The following RBFOX1 variants were observed in gnomAD, a reference collection of about 807,000 sequenced individuals.
RBFOX1 encodes the protein RNA binding fox-1 homolog 1.
A neutral mutation model predicts 57.7 loss-of-function variants in RBFOX1; 8 were observed. The ratio of observed to expected loss-of-function variants is 0.14; its 90% CI spans 0.08 to 0.25. RBFOX1 has a LOEUF of 0.25. RBFOX1 is among the 10% of genes least tolerant of loss of function. The pLI is 1.00. For missense variants in RBFOX1, 611 were observed against 548.5 expected (o/e 1.11, Z -1.14); for synonymous variants, 326 against 222.4 (o/e 1.47, Z -4.15).
intron 3 of RBFOX1, among the ~76,000 whole-genome samples, chr16:5,759,684 G>C (rs2053526869): frequency 6.6e-6 from 1 of 152,174 alleles, no homozygotes. Context: ...ATACCTTGCA[G>C]TGTTTCCCAC....
chr16:6,342,825 T>A (rs801995), intron 2 of RBFOX1, among the ~76,000 whole-genome samples: 2 of 152,156 alleles, frequency 1.3e-5, no homozygotes, highest in African/African-American at 4.8e-5. Context: ...GCTAATCACC[T>A]TGACATTTTG....
intron 4 of RBFOX1, among the ~76,000 whole-genome samples, chr16:7,352,475 G>A (rs568637554): frequency 6.6e-6 from 1 of 152,184 alleles, no homozygotes; most frequent in African/African-American, 2.4e-5. Context: ...ACGTGGGGTG[G>A]GTAAGAATCT....
At chr16:5,333,578 G>A (rs773621813) in intron 1 of RBFOX1, among the ~76,000 whole-genome samples, 11 of 152,192 alleles carry the variant, frequency 7.2e-5, no homozygotes, top group Non-Finnish European at 1.5e-4. Flanking sequence ...CAGGGCCCGA[G>A]CTTCTCTCCT....
chr16:6,654,588 T>TTCTTC lies in RBFOX1; in HGVS notation c.-63-7_-63-3dup. On this transcript the variant is annotated splice_polypyrimidine_tract_variant and intron_variant, in intron 2 of 15. Transcript: ENST00000550418. ...GTTCTTTCTCTCACTTTCCTTTCTTTTCTTCTCTTCTCAGGATATCAAAGC... is the reference window on the plus strand; with the variant it reads ...GTTCTTTCTCTCACTTTCCTTTCTTTTCTTCTCTTCTCTTCTCAGGATATCAAAGC... 2 of 1,503,198 alleles carry TTCTTC rather than the reference T, an allele frequency of 1.3e-6. No individual in the cohort carries two copies. 93.1% of individuals were successfully genotyped at this position (1,503,198 alleles called of 1,614,324 possible). A position where few individuals can be genotyped will look rare whatever the true frequency, so the allele number is the denominator to read the frequency against.
At chr16:6,342,732 C>G (rs978769839) in intron 2 of RBFOX1, among the ~76,000 whole-genome samples, 6 of 152,074 alleles carry the variant, frequency 3.9e-5, no homozygotes, top group African/African-American at 9.7e-5. Flanking sequence ...TTTGATAAAT[C>G]TCTTCGGTGC....
intron 3 of RBFOX1, among the ~76,000 whole-genome samples, chr16:6,923,116 A>C (rs2074843106): frequency 6.6e-6 from 1 of 152,208 alleles, no homozygotes. Context: ...GATTTGTAGA[A>C]TTCCAAAGGA....
chr16:6,019,342 C>A lies in RBFOX1; in HGVS notation c.-777C>A. 1 of 985,778 alleles carries A rather than the reference C, an allele frequency of 1.0e-6. No homozygotes were observed. The highest frequency in any genetic ancestry group is 1.2e-6 in the Non-Finnish European group (1 of 830,306). 61.1% of individuals were successfully genotyped at this position (985,778 alleles called of 1,614,324 possible). ...GTGCGAGCCGCGCTGCCGCCGCCTC[C>A]TCCAGCCAGAGTCGGTGGGACTGGC... On this transcript the variant is annotated 5_prime_UTR_variant, in exon 1 of 16. Transcript: ENST00000550418. The surrounding 1 kb of genome is among the most constrained non-coding windows in gnomAD (Gnocchi z 4.2).
chr16:6,807,708 C>T (rs576756582), intron 3 of RBFOX1, among the ~76,000 whole-genome samples: 4 of 151,926 alleles, frequency 2.6e-5, no homozygotes, highest in Non-Finnish European at 4.4e-5. Context: ...CGGAGCTACT[C>T]GGGAGGCTAA....
At chr16:7,032,452 C>T (rs1440527850) in intron 3 of RBFOX1, among the ~76,000 whole-genome samples, 1 of 151,476 alleles carries the variant, frequency 6.6e-6, no homozygotes, top group African/African-American at 2.4e-5. Context: ...AAAAAACAAA[C>T]AAATAAATAA....
chr16:6,308,955 G>A (rs1007642653), intron 1 of RBFOX1, among the ~76,000 whole-genome samples: 2 of 151,978 alleles, frequency 1.3e-5, no homozygotes, highest in Non-Finnish European at 2.9e-5. Flanking sequence ...CCAGAGGGAC[G>A]TCTCTCTGCT....
intron 11 of RBFOX1, among the ~76,000 whole-genome samples, chr16:7,633,922 TCTA>T (rs760037972): frequency 3.3e-5 from 5 of 152,322 alleles, no homozygotes; most frequent in Non-Finnish European, 5.9e-5. Context: ...AGGTGCATAT[TCTA>T]CTACAAAACC....
At chr16:5,709,360 T>A (rs777938506) in intron 3 of RBFOX1, among the ~76,000 whole-genome samples, 1 of 152,190 alleles carries the variant, frequency 6.6e-6, no homozygotes, top group Non-Finnish European at 1.5e-5. Flanking sequence ...TCAGTGAGCA[T>A]GTGCCTGAAT....
chr16:7,180,546 G>A (rs2082494811), intron 4 of RBFOX1, among the ~76,000 whole-genome samples: 1 of 152,010 alleles, frequency 6.6e-6, no homozygotes, highest in African/African-American at 2.4e-5. Context: ...GTGCTTTATG[G>A]GCTGATAAAT....
intron 4 of RBFOX1, among the ~76,000 whole-genome samples, chr16:7,119,141 G>A (rs2151758968): frequency 6.6e-6 from 1 of 152,254 alleles, no homozygotes; most frequent in South Asian, 2.1e-4. Flanking sequence ...CTCTTGATCT[G>A]AGGAAGACCA....
chr16:6,804,793 G>GT (rs1245059404), intron 3 of RBFOX1, among the ~76,000 whole-genome samples: 1 of 152,144 alleles, frequency 6.6e-6, no homozygotes, highest in East Asian at 1.9e-4. Context: ...CTATTGCCAA[G>GT]TATGTGCATT....
intron 4 of RBFOX1, among the ~76,000 whole-genome samples, chr16:7,166,786 C>T (rs998698740): frequency 7.9e-5 from 12 of 151,970 alleles, no homozygotes; most frequent in African/African-American, 2.9e-4. Flanking sequence ...ACAGGACAGA[C>T]AGCCAAAGGA....
chr16:6,352,279 G>A (rs549248539), intron 2 of RBFOX1, among the ~76,000 whole-genome samples: 2 of 152,194 alleles, frequency 1.3e-5, no homozygotes, highest in South Asian at 4.2e-4. Context: ...ATTTAGGCAG[G>A]GGGGTTGTTT....
At chr16:6,601,233 A>G (rs986364697) in intron 2 of RBFOX1, among the ~76,000 whole-genome samples, 2 of 152,102 alleles carry the variant, frequency 1.3e-5, no homozygotes, top group Non-Finnish European at 2.9e-5. Flanking sequence ...TTGCTGAATG[A>G]CGAATTGAAC....
At chr16:6,336,616 G>C (rs934191557) in intron 2 of RBFOX1, among the ~76,000 whole-genome samples, 3 of 152,024 alleles carry the variant, frequency 2.0e-5, no homozygotes, top group African/African-American at 7.3e-5. Context: ...CACACCACCC[G>C]GGAGAACTTT....
Sources: allele counts gnomAD v4.1 joint callset (sites outside exome capture counted in the v4.1 genomes callset), GRCh38; gene constraint gnomAD v4.1.1; non-coding constraint Gnocchi (gnomAD v3.1); transcripts MANE v1.5; gene names NCBI Gene and HGNC (gene_info 2026-07-23, HGNC 2026-07-21).